PHACTR3: variants seen among roughly 807,000 people sequenced by gnomAD.
PHACTR3 encodes the protein protein phosphatase 1, regulatory subunit 123.
A neutral mutation model predicts 66.8 loss-of-function variants in PHACTR3; 16 were observed. That is an observed-to-expected ratio of 0.24 (90% confidence interval 0.16 to 0.36). PHACTR3 has a LOEUF of 0.36. Ranked by LOEUF, PHACTR3 falls within the 10% of genes least tolerant of loss-of-function variation. PHACTR3 has a pLI of 1.00. For synonymous variants in PHACTR3, 323 were observed against 292.1 expected (o/e 1.11, Z -1.08); for missense variants, 647 against 719.9 (o/e 0.90, Z 1.16).
chr20:59,752,124 G>A (rs1248337582), intron 3 of PHACTR3, among the ~76,000 whole-genome samples: 3 of 152,178 alleles, frequency 2.0e-5, no homozygotes, highest in Admixed American at 6.5e-5. Flanking sequence ...CAGGGAATTG[G>A]ACAGTGACAA....
chr20:59,781,254 C>T (rs6070945), intron 7 of PHACTR3, among the ~76,000 whole-genome samples: 34,603 of 152,158 alleles, frequency 0.23, 4,067 homozygotes, highest in African/African-American at 0.26. Context: ...GGGAATTAAT[C>T]ACCGGGGTCT....
At position 59,773,275 on chromosome 20, in the gene PHACTR3, C is replaced by A. The variant is rs965944075; in HGVS notation, c.752-4C>A. 3.7e-6 allele frequency: 6 copies of A among 1,612,434 alleles called. No individual in the cohort carries two copies. Among genetic ancestry groups the A allele is most frequent in the Admixed American group, 3.3e-5 (2 of 59,866 alleles). ...TGTTCTTGCTGCTTCCTCCCACACC[C>A]CAGGCCAAGCCACACTCTTCCAAGC... On this transcript the variant is annotated splice_polypyrimidine_tract_variant and splice_region_variant and intron_variant, in intron 5 of 12. Coordinates refer to ENST00000371015, the MANE Select transcript of PHACTR3 (RefSeq NM_080672.5).
chr20:59,839,199 G>C lies in PHACTR3; in HGVS notation c.1385-1170G>C, dbSNP rs574260370. On this transcript the variant is annotated intron_variant, in intron 9 of 12. Transcript: ENST00000371015. ...ACACTTTCACAATGTCTCTCTAATT[G>C]TATCAGCTTTCTGATGATACCTTAA... Among the ~76,000 whole-genome samples, 19 of 152,114 alleles carry C rather than the reference G, an allele frequency of 1.2e-4. No homozygotes were observed. The South Asian group carries it at 3.5e-3, about 28-fold the overall frequency.
chr20:59,725,771 C>G (rs139598336), intron 1 of PHACTR3, among the ~76,000 whole-genome samples: 107 of 152,236 alleles, frequency 7.0e-4, no homozygotes, highest in African/African-American at 2.4e-3. Flanking sequence ...CTGCTGAGGC[C>G]AGGGGCTAGG....
chr20:59,710,418 G>A (rs754625877), intron 1 of PHACTR3, among the ~76,000 whole-genome samples: 1 of 152,096 alleles, frequency 6.6e-6, no homozygotes, highest in African/African-American at 2.4e-5. Context: ...TGTTTCTTGG[G>A]AGGCAGCAAT....
At chr20:59,729,618 C>A (rs529899517) in intron 1 of PHACTR3, among the ~76,000 whole-genome samples, 1 of 152,136 alleles carries the variant, frequency 6.6e-6, no homozygotes, top group Non-Finnish European at 1.5e-5. Flanking sequence ...AGGATGCCCA[C>A]AGATGGTGCC....
At chr20:59,757,875 C>T (rs562169238) in intron 4 of PHACTR3, among the ~76,000 whole-genome samples, 65 of 152,260 alleles carry the variant, frequency 4.3e-4, no homozygotes, top group Admixed American at 1.6e-3. Context: ...GAAGCTGAGG[C>T]GGGAGGATAG....
At chr20:59,677,483 G>A (rs2036489954) in intron 1 of PHACTR3, among the ~76,000 whole-genome samples, 3 of 152,212 alleles carry the variant, frequency 2.0e-5, no homozygotes. Context: ...CCAAGAAGGC[G>A]ATGGAGAAGT....
At chr20:59,755,471 C>G (rs1568785482) in intron 4 of PHACTR3, 107 bp downstream of exon 4, 1 of 1,271,978 alleles carries the variant, frequency 7.9e-7, no homozygotes, top group Non-Finnish European at 1.1e-6. Context: ...GAACATTGTT[C>G]TCCAGAGAGC....
intron 8 of PHACTR3, among the ~76,000 whole-genome samples, chr20:59,810,234 G>A (rs960672665): frequency 1.3e-5 from 2 of 152,214 alleles, no homozygotes; most frequent in Non-Finnish European, 2.9e-5. Flanking sequence ...TTGGGCTGCC[G>A]GGGATACCCC....
At chr20:59,704,995 C>G (rs1177652429) in intron 1 of PHACTR3, among the ~76,000 whole-genome samples, 1 of 147,916 alleles carries the variant, frequency 6.8e-6, no homozygotes, top group South Asian at 2.1e-4. Context: ...CTCACTCTGT[C>G]GCCCAGACTG....
In PHACTR3 at chr20:59,831,517, C is replaced by T. The variant is rs140808041; in HGVS notation, c.1329-4988C>T. ...AGACTGTGGCTTCCCCAGCTCCAGG[C>T]GGCACCAGGACGTCACCAGCAGCCC... On this transcript the variant is annotated intron_variant, in intron 8 of 12. Transcript: ENST00000371015. Among the ~76,000 whole-genome samples the T allele has an allele frequency of 3.4e-3, 521 of 152,310 alleles. 4 individuals are homozygous for T. The highest frequency in any genetic ancestry group is 6.8e-3 in the Middle Eastern group (2 of 294).
At chr20:59,700,144 C>G (rs1344336625) in intron 1 of PHACTR3, among the ~76,000 whole-genome samples, 1 of 152,226 alleles carries the variant, frequency 6.6e-6, no homozygotes. Flanking sequence ...GCAATCTACA[C>G]ATACTGTTTT....
chr20:59,597,985 G>A lies in PHACTR3; in HGVS notation c.109+20368G>A, dbSNP rs75029773. ...TCCTCTCCTTTCATTAGCTAGAGTC[G>A]GAGCATGCAGTATCTGTCACTGTGT... On this transcript the variant is annotated intron_variant, in intron 1 of 12. Coordinates refer to the PHACTR3 transcript ENST00000359926. 5.5e-3 allele frequency among the ~76,000 whole-genome samples: 832 copies of A among 152,304 alleles called. 5 individuals are homozygous for A. The highest frequency in any genetic ancestry group is 8.7e-3 in the South Asian group (42 of 4,824).
chr20:59,648,784 T>C (rs1441569318), intron 1 of PHACTR3, among the ~76,000 whole-genome samples: 1 of 152,154 alleles, frequency 6.6e-6, no homozygotes, highest in Non-Finnish European at 1.5e-5. Flanking sequence ...TTGATGTGAT[T>C]TGATGTGAGG....
chr20:59,737,217 C>G (rs1370575003), intron 1 of PHACTR3, among the ~76,000 whole-genome samples: 1 of 152,132 alleles, frequency 6.6e-6, no homozygotes, highest in Admixed American at 6.5e-5. Context: ...TCTGGAGCAC[C>G]CAGTGCTGAC....
At chr20:59,592,876 AGTTT>A (rs531101854) in intron 1 of PHACTR3, among the ~76,000 whole-genome samples, 46 of 152,048 alleles carry the variant, frequency 3.0e-4, no homozygotes, top group East Asian at 2.3e-3. Context: ...GATCTACCAT[AGTTT>A]GTTTGTCTAC....
chr20:59,746,225 T>G (rs1211696168), intron 2 of PHACTR3, among the ~76,000 whole-genome samples: 1 of 152,216 alleles, frequency 6.6e-6, no homozygotes, highest in East Asian at 1.9e-4. Context: ...GTAAATATCC[T>G]CAGGGAAGCC....
intron 1 of PHACTR3, among the ~76,000 whole-genome samples, chr20:59,591,601 T>G (rs6100514): frequency 0.064 from 9,712 of 152,124 alleles, 487 homozygotes; most frequent in Admixed American, 0.15. Context: ...GGATTCTGCC[T>G]TCTTTTTCCC....
Sources: gnomAD v4.1 joint callset for allele counts (sites outside exome capture counted in the v4.1 genomes callset) on GRCh38, gnomAD v4.1.1 for gene constraint, MANE v1.5 for transcripts, NCBI Gene and HGNC (gene_info 2026-07-23, HGNC 2026-07-21) for gene names.